C7orf78: variants seen among roughly 807,000 people sequenced by gnomAD.
C7orf78 encodes putative uncharacterized protein C7orf78.
chr7:12,534,264 T>G, the C7orf78 span, among the ~76,000 whole-genome samples: 3 of 152,162 alleles, frequency 2.0e-5, no homozygotes, highest in Non-Finnish European at 2.9e-5. Context: ...ATTTAAAAAT[T>G]TTCCGTAATT....
chr7:12,525,452 A>G, the C7orf78 span, among the ~76,000 whole-genome samples: 1,753 of 152,260 alleles, frequency 0.012, 34 homozygotes, highest in African/African-American at 0.04. Flanking sequence ...CATAAATTAC[A>G]ATCAAGTTTA....
the C7orf78 span, among the ~76,000 whole-genome samples, chr7:12,497,712 CG>C: frequency 1.8e-4 from 28 of 151,906 alleles, no homozygotes; most frequent in Admixed American, 1.8e-3. Flanking sequence ...CTGGGAAGCT[CG>C]AACTGGGTGG....
the C7orf78 span, chr7:12,529,148 T>A: frequency 2.5e-6 from 1 of 396,462 alleles, no homozygotes; most frequent in Non-Finnish European, 4.4e-6. Flanking sequence ...TAAAATATAT[T>A]TCTGTCTTTA....
the C7orf78 span, among the ~76,000 whole-genome samples, chr7:12,501,165 T>G: frequency 2.2e-5 from 3 of 134,824 alleles, no homozygotes; most frequent in African/African-American, 8.8e-5. Flanking sequence ...CTTTGAAAAC[T>G]GGCACAAGAC....
chr7:12,501,555 C>G, the C7orf78 span, among the ~76,000 whole-genome samples: 9 of 143,300 alleles, frequency 6.3e-5, no homozygotes, highest in African/African-American at 2.3e-4. Context: ...AGGAGAACTA[C>G]AAACCACTGC....
the C7orf78 span, among the ~76,000 whole-genome samples, chr7:12,510,186 G>A: frequency 2.6e-5 from 4 of 151,622 alleles, no homozygotes; most frequent in Non-Finnish European, 4.4e-5. Flanking sequence ...AGGGTGGGGG[G>A]GTTTCTTGAG....
the C7orf78 span, among the ~76,000 whole-genome samples, chr7:12,532,966 T>TA: frequency 6.6e-6 from 1 of 152,206 alleles, no homozygotes; most frequent in African/African-American, 2.4e-5. Context: ...AAGTGGTGGA[T>TA]ATAGAGTCAT....
At chr7:12,526,250 C>A in the C7orf78 span, among the ~76,000 whole-genome samples, 1 of 152,064 alleles carries the variant, frequency 6.6e-6, no homozygotes, top group Non-Finnish European at 1.5e-5. Flanking sequence ...GTTTCCTTAT[C>A]TGGAAATGCA....
the C7orf78 span, among the ~76,000 whole-genome samples, chr7:12,519,323 C>G: frequency 2.0e-4 from 30 of 152,178 alleles, no homozygotes; most frequent in African/African-American, 6.8e-4. Flanking sequence ...GACAAGCAGC[C>G]CTCTCTTGCC....
chr7:12,525,121 A>G, the C7orf78 span, among the ~76,000 whole-genome samples: 193 of 151,996 alleles, frequency 1.3e-3, no homozygotes, highest in African/African-American at 4.4e-3. Flanking sequence ...ATATTGTTCT[A>G]TACGCTTGTG....
chr7:12,492,529 T>C, the C7orf78 span, among the ~76,000 whole-genome samples: 1 of 152,350 alleles, frequency 6.6e-6, no homozygotes, highest in African/African-American at 2.4e-5. Flanking sequence ...GATCATAAGA[T>C]GCAAATTGAG....
chr7:12,538,243 T>G, the C7orf78 span: 1 of 152,214 alleles, frequency 6.6e-6, no homozygotes, highest in East Asian at 1.9e-4. Context: ...TCATTCTAAA[T>G]TAACATTCTA....
At chr7:12,517,566 T>C in the C7orf78 span, among the ~76,000 whole-genome samples, 1 of 152,328 alleles carries the variant, frequency 6.6e-6, no homozygotes. Context: ...AATGCTTCAT[T>C]CATTCTTTTT....
At chr7:12,524,127 GAGCATGGCTTCTA>G in the C7orf78 span, among the ~76,000 whole-genome samples, 2 of 152,158 alleles carry the variant, frequency 1.3e-5, no homozygotes, top group Non-Finnish European at 2.9e-5. Flanking sequence ...TAGTAGTTAA[GAGCATGGCTTCTA>G]AGATCAGAGT....
At chr7:12,537,444 T>A in the C7orf78 span, among the ~76,000 whole-genome samples, 1 of 152,080 alleles carries the variant, frequency 6.6e-6, no homozygotes, top group Non-Finnish European at 1.5e-5. Flanking sequence ...AAGATGAGAT[T>A]TGGGTGGGGA....
the C7orf78 span, among the ~76,000 whole-genome samples, chr7:12,535,474 C>T: frequency 2.0e-5 from 3 of 152,144 alleles, no homozygotes; most frequent in Non-Finnish European, 2.9e-5. Flanking sequence ...CTGGGTCCTT[C>T]CCAGAACACA....
the C7orf78 span, chr7:12,496,760 C>T: frequency 6.6e-6 from 1 of 152,242 alleles, no homozygotes; most frequent in East Asian, 1.9e-4. Context: ...TGTATATATG[C>T]TTTTGATAAA....
chr7:12,529,482 T>C, the C7orf78 span, among the ~76,000 whole-genome samples: 1 of 152,174 alleles, frequency 6.6e-6, no homozygotes, highest in Non-Finnish European at 1.5e-5. Context: ...CTCTGTAAAA[T>C]ATTTGAAGAG....
At chr7:12,484,582 A>G in the C7orf78 span, among the ~76,000 whole-genome samples, 2 of 152,204 alleles carry the variant, frequency 1.3e-5, no homozygotes, top group Non-Finnish European at 2.9e-5. Flanking sequence ...ATTTGTATGT[A>G]TAATGTATAA....
Sources: gnomAD v4.1 joint callset for allele counts (sites outside exome capture counted in the v4.1 genomes callset) on GRCh38, gnomAD v4.1.1 for gene constraint, MANE v1.5 for transcripts, NCBI Gene and HGNC (gene_info 2026-07-23, HGNC 2026-07-21) for gene names.